Variants in AFAP1L2 observed in about 807,000 individuals in gnomAD.
AFAP1L2 encodes the protein actin filament-associated protein 1-like 2.
A neutral mutation model predicts 99.3 loss-of-function variants in AFAP1L2; 46 were observed. The observed-to-expected ratio is 0.46, with a 90% CI of 0.37 to 0.59. The LOEUF is 0.59. AFAP1L2 is among the 20% of genes least tolerant of loss of function. The pLI is 0.00. For synonymous variants in AFAP1L2, 397 were observed against 419.1 expected, an observed-to-expected ratio of 0.95 and a Z score of 0.64; for missense variants, 959 against 1,034.9, an observed-to-expected ratio of 0.93 and a Z score of 1.01.
downstream of AFAP1L2, among the ~76,000 whole-genome samples, chr10:114,293,188 A>T (rs1052646415): frequency 1.3e-5 from 2 of 152,218 alleles, no homozygotes; most frequent in African/African-American, 4.8e-5. Flanking sequence ...TATTCAAGGG[A>T]TACTTTCATT....
At chr10:114,333,870 C>T (rs892583683) in intron 2 of AFAP1L2, among the ~76,000 whole-genome samples, 3 of 152,126 alleles carry the variant, frequency 2.0e-5, no homozygotes, top group South Asian at 2.1e-4. Context: ...TTGTATTCCA[C>T]CAAGTAGAGA....
the AFAP1L2 span, chr10:114,285,852 C>A: frequency 7.4e-7 from 1 of 1,348,310 alleles, no homozygotes; most frequent in South Asian, 1.5e-5. Context: ...CCATCTCCCT[C>A]CTGGGAGATG....
chr10:114,330,242 C>A (rs895250230), intron 4 of AFAP1L2, among the ~76,000 whole-genome samples: 2 of 152,198 alleles, frequency 1.3e-5, no homozygotes, highest in African/African-American at 4.8e-5. Flanking sequence ...AGTCCAGAGC[C>A]ATTCTGGGGC....
intron 1 of AFAP1L2, among the ~76,000 whole-genome samples, chr10:114,365,499 T>C (rs2053086456): frequency 6.6e-6 from 1 of 152,132 alleles, no homozygotes. Flanking sequence ...AAACAAATAA[T>C]ATCTAGGATC....
At chr10:114,311,526 C>T (rs551071481) in intron 7 of AFAP1L2, among the ~76,000 whole-genome samples, 4 of 152,342 alleles carry the variant, frequency 2.6e-5, no homozygotes, top group African/African-American at 9.6e-5. Flanking sequence ...ACCTGTGTGA[C>T]ATTGAGCCTG....
At chr10:114,373,035 T>C (rs2054324374) in intron 1 of AFAP1L2, among the ~76,000 whole-genome samples, 1 of 152,200 alleles carries the variant, frequency 6.6e-6, no homozygotes, top group Non-Finnish European at 1.5e-5. Context: ...CATAAAATAC[T>C]ACATAATTCC....
At chr10:114,314,292 A>T (rs895102791) in intron 6 of AFAP1L2, among the ~76,000 whole-genome samples, 1 of 152,174 alleles carries the variant, frequency 6.6e-6, no homozygotes, top group Non-Finnish European at 1.5e-5. Flanking sequence ...GCCTCAGCCA[A>T]GGATGCTCCA....
chr10:114,290,427 C>G, downstream of AFAP1L2: 1 of 1,536,262 alleles, frequency 6.5e-7, no homozygotes, highest in Non-Finnish European at 8.8e-7. Context: ...CCTGCCAAGT[C>G]CCACAAACTC....
intron 2 of AFAP1L2, among the ~76,000 whole-genome samples, chr10:114,334,916 T>C (rs149434774): frequency 6.6e-6 from 1 of 152,344 alleles, no homozygotes; most frequent in East Asian, 1.9e-4. Flanking sequence ...CATGACAAAA[T>C]ACTGCCTGTT....
At chr10:114,390,616 G>A (rs1221046674) in intron 1 of AFAP1L2, among the ~76,000 whole-genome samples, 1 of 151,404 alleles carries the variant, frequency 6.6e-6, no homozygotes, top group Middle Eastern at 3.2e-3. Flanking sequence ...AGCTACTCAG[G>A]AGGCTGAGGT....
At chr10:114,358,352 C>T (rs2051700102) in intron 1 of AFAP1L2, among the ~76,000 whole-genome samples, 1 of 152,008 alleles carries the variant, frequency 6.6e-6, no homozygotes, top group Non-Finnish European at 1.5e-5. Flanking sequence ...ATAAAGTCAG[C>T]CAAATGATGA....
chr10:114,362,996 C>T, intron 1 of AFAP1L2: 4 of 985,422 alleles, frequency 4.1e-6, no homozygotes, highest in Middle Eastern at 5.2e-4. Flanking sequence ...GGCAGCCCGA[C>T]AGGTGGGGAG....
intron 1 of AFAP1L2, among the ~76,000 whole-genome samples, chr10:114,396,167 C>T (rs2057693959): frequency 1.3e-5 from 2 of 152,154 alleles, no homozygotes; most frequent in South Asian, 4.1e-4. Flanking sequence ...CCCATGTAGT[C>T]CTCACGGATG....
intron 4 of AFAP1L2, among the ~76,000 whole-genome samples, chr10:114,327,147 T>TTTTA (rs1364666260): frequency 7.3e-5 from 4 of 54,536 alleles, no homozygotes; most frequent in Non-Finnish European, 1.9e-4. Flanking sequence ...TTATATATAT[T>TTTTA]TATATATATA....
intron 1 of AFAP1L2, among the ~76,000 whole-genome samples, chr10:114,393,875 C>A (rs2057410765): frequency 1.3e-5 from 2 of 152,250 alleles, no homozygotes; most frequent in Admixed American, 1.3e-4. Flanking sequence ...TTATTTTAGT[C>A]AACGTTGAGC....
chr10:114,331,746 A>G, intron 4 of AFAP1L2, 57 bp downstream of exon 4: 1 of 1,218,196 alleles, frequency 8.2e-7, no homozygotes, highest in Non-Finnish European at 1.1e-6. Context: ...TGTGGAGACA[A>G]CTGGAAGTTC....
the AFAP1L2 span, among the ~76,000 whole-genome samples, chr10:114,281,451 A>C: frequency 6.6e-6 from 1 of 152,192 alleles, no homozygotes; most frequent in African/African-American, 2.4e-5. Context: ...CAGGGGCCCT[A>C]AGTGAGCCCT....
intron 10 of AFAP1L2, among the ~76,000 whole-genome samples, chr10:114,305,330 C>T (rs1374591727): frequency 4.1e-5 from 5 of 120,546 alleles, no homozygotes; most frequent in Admixed American, 8.5e-5. Flanking sequence ...GGAGGGGTCG[C>T]GGATGCAGGA....
chr10:114,288,835 C>G, the AFAP1L2 span: 1 of 1,238,982 alleles, frequency 8.1e-7, no homozygotes, highest in Non-Finnish European at 1.1e-6. Flanking sequence ...GAACAGAGCA[C>G]CCTGGCTGAC....
Sources: gnomAD v4.1 joint callset for allele counts (sites outside exome capture counted in the v4.1 genomes callset) on GRCh38, gnomAD v4.1.1 for gene constraint, MANE v1.5 for transcripts, NCBI Gene and HGNC (gene_info 2026-07-23, HGNC 2026-07-21) for gene names.